The following SYT9 variants were observed in gnomAD, a reference collection of about 807,000 sequenced individuals.
SYT9 encodes the protein synaptotagmin 9.
A neutral mutation model predicts 48.4 loss-of-function variants in SYT9; 22 were observed. The observed-to-expected ratio is 0.45, with a 90% CI of 0.32 to 0.65. SYT9 has a LOEUF of 0.65. Ranked by LOEUF, SYT9 falls within the 30% of genes least tolerant of loss-of-function variation. The pLI is 0.03. For synonymous variants in SYT9, 265 were observed against 245.0 expected, an observed-to-expected ratio of 1.08 and a Z score of -0.76; for missense variants, 577 against 622.0, an observed-to-expected ratio of 0.93 and a Z score of 0.77.
At chr11:7,322,269 A>C (rs1450914148) in intron 3 of SYT9, among the ~76,000 whole-genome samples, 3 of 152,316 alleles carry the variant, frequency 2.0e-5, no homozygotes, top group Non-Finnish European at 4.4e-5. Context: ...AGCCAGCTCC[A>C]GGACACCACT....
rs550924146 is a variant in SYT9, at chr11:7,423,221, G to A, written c.1467+2586G>A. ...TGCTTCCTGTCTCTTTGAAGTACAC[G>A]TCTGGGACTCCAGATCCATCCTGAG... On this transcript the variant is annotated intron_variant, in intron 6 of 6. Transcript: ENST00000318881. Among the ~76,000 whole-genome samples the A allele has an allele frequency of 3.9e-5, 6 of 152,272 alleles. No homozygotes were observed. The South Asian group carries it at 6.2e-4, about 16-fold the overall frequency.
chr11:7,245,162 T>C (rs1051126661), intron 1 of SYT9, among the ~76,000 whole-genome samples: 9 of 152,328 alleles, frequency 5.9e-5, no homozygotes, highest in African/African-American at 1.9e-4. Flanking sequence ...GCTGGCTGTC[T>C]CCAATAAGCT....
chr11:7,403,581 A>G lies in SYT9; in HGVS notation c.1045-12461A>G, dbSNP rs540317053. ...TAAATAAACAGAGAGAGAGAGAGAG[A>G]CACACACATGTATTAGTTTCCAAAT... On this transcript the variant is annotated intron_variant, in intron 3 of 6. Coordinates refer to ENST00000318881, the MANE Select transcript of SYT9 (RefSeq NM_175733.4). Among the ~76,000 whole-genome samples the G allele has an allele frequency of 6.8e-3, 1,021 of 150,874 alleles. 15 individuals carry two copies. The highest frequency in any genetic ancestry group is 0.052 in the South Asian group (251 of 4,798).
intron 1 of SYT9, among the ~76,000 whole-genome samples, chr11:7,254,278 C>T (rs1234428753): frequency 6.6e-6 from 1 of 152,154 alleles, no homozygotes; most frequent in Admixed American, 6.5e-5. Context: ...CCCTGTGGCT[C>T]TTTGGTTTTT....
intron 3 of SYT9, among the ~76,000 whole-genome samples, chr11:7,347,332 A>G (rs976624916): frequency 6.6e-6 from 1 of 152,064 alleles, no homozygotes; most frequent in African/African-American, 2.4e-5. Flanking sequence ...CCCAGGTTCA[A>G]GCGACTCTCT....
At chr11:7,247,745 G>A (rs576702228), upstream of SYT9, among the ~76,000 whole-genome samples, 15 of 150,394 alleles carry the variant, frequency 1.0e-4, no homozygotes, top group South Asian at 2.1e-4. Context: ...CATTTGGGTC[G>A]GTTCTGTGTT....
Position 7,468,246 on chromosome 11 carries a change from C to A in SYT9, c.*1446C>A. 1 of 398,596 alleles carries A rather than the reference C, an allele frequency of 2.5e-6. No individual in the cohort carries two copies. The allele number at this position is 398,596 out of a possible 1,614,324, so 24.7% of individuals were successfully genotyped here. ...ACATTTCAGCATGGAACTAACTGGG[C>A]GGAGGAAGGATCGTTATACGTCTTC... On this transcript the variant is annotated 3_prime_UTR_variant, in exon 7 of 7. Coordinates refer to ENST00000318881, the MANE Select transcript of SYT9 (RefSeq NM_175733.4).
chr11:7,293,295 C>T (rs1848726799), intron 1 of SYT9, among the ~76,000 whole-genome samples: 1 of 152,126 alleles, frequency 6.6e-6, no homozygotes, highest in Non-Finnish European at 1.5e-5. Context: ...GCATTTAATG[C>T]CATTTGCCAA....
intron 3 of SYT9, among the ~76,000 whole-genome samples, chr11:7,352,384 G>A (rs1477908193): frequency 6.6e-6 from 1 of 152,128 alleles, no homozygotes; most frequent in Non-Finnish European, 1.5e-5. Flanking sequence ...TTGACAGAGG[G>A]TTTATGTAGA....
At position 7,373,848 on chromosome 11, in the gene SYT9, C is replaced by T. The variant is rs74053609; in HGVS notation, c.1045-42194C>T. On this transcript the variant is annotated intron_variant, in intron 3 of 6. Coordinates refer to ENST00000318881, the MANE Select transcript of SYT9 (RefSeq NM_175733.4). ...TGCAATTGTTGTAATTGGGACACTTCGTTTGGGGGAAAGGCTTCCTGATGA... is the reference window on the plus strand; with the variant it reads ...TGCAATTGTTGTAATTGGGACACTTTGTTTGGGGGAAAGGCTTCCTGATGA... Among the ~76,000 whole-genome samples, 8 of 152,098 alleles carry T rather than the reference C, an allele frequency of 5.3e-5. No homozygotes were observed. In the South Asian group the frequency reaches 6.2e-4, roughly 12 times the overall value.
chr11:7,328,635 T>A (rs1308910973), intron 3 of SYT9, among the ~76,000 whole-genome samples: 1 of 152,170 alleles, frequency 6.6e-6, no homozygotes, highest in Non-Finnish European at 1.5e-5. Context: ...TTTGACATTA[T>A]AATTAATGTT....
chr11:7,251,793 C>T (rs1006204190), upstream of SYT9, among the ~76,000 whole-genome samples: 3 of 152,058 alleles, frequency 2.0e-5, no homozygotes, highest in Non-Finnish European at 4.4e-5. Flanking sequence ...CCGGGGAGTA[C>T]CCCAGGTCCC....
intron 3 of SYT9, among the ~76,000 whole-genome samples, chr11:7,385,258 G>C (rs999048294): frequency 1.3e-5 from 2 of 151,798 alleles, no homozygotes; most frequent in Admixed American, 6.6e-5. Context: ...AGAGTACCAG[G>C]TACTCTGGTA....
chr11:7,447,068 T>G (rs1847947722), intron 6 of SYT9, among the ~76,000 whole-genome samples: 1 of 152,234 alleles, frequency 6.6e-6, no homozygotes, highest in Non-Finnish European at 1.5e-5. Context: ...GAGGTCACTC[T>G]GTCTGATGCA....
intron 2 of SYT9, among the ~76,000 whole-genome samples, chr11:7,306,329 A>G (rs970958389): frequency 6.6e-6 from 1 of 152,180 alleles, no homozygotes. Flanking sequence ...AGCCTTCTCA[A>G]ATGTCTTATG....
chr11:7,455,286 C>A (rs1421086051), intron 6 of SYT9, among the ~76,000 whole-genome samples: 6 of 149,678 alleles, frequency 4.0e-5, no homozygotes, highest in African/African-American at 1.2e-4. Flanking sequence ...AAGTTCTATT[C>A]AACCTATTAG....
chr11:7,398,331 T>TTTG, intron 3 of SYT9, among the ~76,000 whole-genome samples: 1 of 152,308 alleles, frequency 6.6e-6, no homozygotes, highest in Middle Eastern at 3.4e-3. Context: ...TTTTAACATT[T>TTTG]ATATGAGTTT....
chr11:7,393,880 A>G (rs1035057151), intron 3 of SYT9, among the ~76,000 whole-genome samples: 3 of 151,626 alleles, frequency 2.0e-5, no homozygotes, highest in African/African-American at 7.3e-5. Flanking sequence ...TTGTGTGCAT[A>G]GAGTTGTTCA....
At chr11:7,328,868 T>G (rs953771625) in intron 3 of SYT9, among the ~76,000 whole-genome samples, 1 of 152,184 alleles carries the variant, frequency 6.6e-6, no homozygotes, top group Admixed American at 6.5e-5. Context: ...GCAAATCTTG[T>G]GTGGATAATT....
Sources: allele counts gnomAD v4.1 joint callset (sites outside exome capture counted in the v4.1 genomes callset), GRCh38; gene constraint gnomAD v4.1.1; transcripts MANE v1.5; gene names NCBI Gene and HGNC (gene_info 2026-07-23, HGNC 2026-07-21).